The following NES variants were observed in gnomAD, a reference collection of about 807,000 sequenced individuals.
NES encodes nestin.
In NES, 27 loss-of-function variants were observed where a neutral mutation model predicts 35.6. The observed-to-expected ratio is 0.76, with a 90% confidence interval of 0.56 to 1.04. The LOEUF (loss-of-function observed/expected upper bound fraction) is 1.04. NES is among the 50% of genes least tolerant of loss of function. The pLI is 0.00. For synonymous variants in NES, 822 were observed against 824.2 expected, an observed-to-expected ratio of 1.00 and a Z score of 0.04; for missense variants, 1,867 against 1,983.6, an observed-to-expected ratio of 0.94 and a Z score of 1.12.
At position 156,671,543 on chromosome 1, in the gene NES, C is replaced by G. The variant is rs1202391956; in HGVS notation, c.2645G>C (p.Arg882Thr). 2 of 1,613,996 alleles carry G rather than the reference C, an allele frequency of 1.2e-6. No individual in the cohort carries two copies. Among genetic ancestry groups the G allele is most frequent in the South Asian group, 2.2e-5 (2 of 91,080 alleles). The change falls in exon 4 of 4, where the codon AGA becomes ACA. Residue 882 changes from arginine (R) to threonine (T), a missense_variant. Arg to Thr is a moderately conservative substitution (Grantham distance 71). Transcript: ENST00000368223. The stretch of plus-strand genomic sequence containing the variant: ...TTCCTGATTCTCCTCTTCCAGGAGT[C>G]TGAATGTCTCTTGGTTCACTTCCAC... Reference protein sequence around the residue: ...ESVEVNQETFRLLEEENQESL... With the variant: ...ESVEVNQETFTLLEEENQESL...
intron 2 of NES, 113 bp downstream of exon 2, chr1:156,675,103 C>T: frequency 2.2e-6 from 3 of 1,342,232 alleles, no homozygotes; most frequent in Non-Finnish European, 3.1e-6. Context: ...TCACAGAACC[C>T]AGTGGCAGCA....
chr1:156,669,144 T>C lies in NES; in HGVS notation c.*178A>G. 2 of 481,738 alleles carry C rather than the reference T, an allele frequency of 4.2e-6. No homozygotes were observed. Among genetic ancestry groups the C allele is most frequent in the Admixed American group, 3.6e-5 (1 of 27,882 alleles). 29.8% of individuals were successfully genotyped at this position (481,738 alleles called of 1,614,324 possible). Reference sequence around the variant, plus strand: ...GTTATATTCCTACAGCCTCCATTCTTGGAGTAGGCTCCTTTGCCACACCCC... The same window carrying C: ...GTTATATTCCTACAGCCTCCATTCTCGGAGTAGGCTCCTTTGCCACACCCC... On this transcript the variant is annotated 3_prime_UTR_variant, in exon 4 of 4. Coordinates refer to ENST00000368223, the MANE Select transcript of NES (RefSeq NM_006617.2).
rs1647291441 is a variant in NES, at chr1:156,676,415, G to A, written c.783+67C>T. 9.1e-6 allele frequency: 14 copies of A among 1,531,226 alleles called. No individual in the cohort carries two copies. Among genetic ancestry groups the A allele is most frequent in the South Asian group, 1.2e-5 (1 of 86,636 alleles). 94.9% of individuals were successfully genotyped at this position (1,531,226 alleles called of 1,614,324 possible). ...CCCACTCCCTTCCCAGAAGGTCTCTGAGCTTCATAAGGGACTTTCTGGAGC... is the reference window on the plus strand; with the variant it reads ...CCCACTCCCTTCCCAGAAGGTCTCTAAGCTTCATAAGGGACTTTCTGGAGC... On this transcript the variant is annotated intron_variant, in intron 1 of 3. Coordinates refer to ENST00000368223, the MANE Select transcript of NES (RefSeq NM_006617.2). This position sits in a 1 kb window ranked among gnomAD's most constrained non-coding sequence, Gnocchi z 5.3.
At position 156,677,372 on chromosome 1, in the gene NES, A is replaced by G; in HGVS notation, c.-108T>C. 3.2e-6 allele frequency: 1 copy of G among 311,164 alleles called. No individual in the cohort carries two copies. The highest frequency in any genetic ancestry group is 2.3e-5 in the South Asian group (1 of 43,780). The allele number at this position is 311,164 out of a possible 1,614,324, so 19.3% of individuals were successfully genotyped here. On this transcript the variant is annotated 5_prime_UTR_variant, in exon 1 of 4. Coordinates refer to ENST00000368223, the MANE Select transcript of NES (RefSeq NM_006617.2). This position sits in a 1 kb window ranked among gnomAD's most constrained non-coding sequence, Gnocchi z 4.5. Reference sequence around the variant, plus strand: ...AGAAAAGAGACCGACGGGGACAATGACGGGGCGGGGCGGGGTGGGAGTAGC... The same window carrying G: ...AGAAAAGAGACCGACGGGGACAATGGCGGGGCGGGGCGGGGTGGGAGTAGC...
intron 2 of NES, among the ~76,000 whole-genome samples, chr1:156,675,012 C>T (rs1679812276): frequency 6.6e-6 from 1 of 152,220 alleles, no homozygotes; most frequent in Non-Finnish European, 1.5e-5. Flanking sequence ...GGGCACAGGA[C>T]ATTGCTCAGG....
In NES at chr1:156,676,403, C is replaced by T; in HGVS notation, c.783+79G>A. The T allele has an allele frequency of 6.8e-7, 1 of 1,462,398 alleles. No homozygotes were observed. Among genetic ancestry groups the T allele is most frequent in the Non-Finnish European group, 9.3e-7 (1 of 1,072,678 alleles). 90.6% of individuals were successfully genotyped at this position (1,462,398 alleles called of 1,614,324 possible). A position where few individuals can be genotyped will look rare whatever the true frequency, so the allele number is the denominator to read the frequency against. On this transcript the variant is annotated intron_variant, in intron 1 of 3. Transcript: ENST00000368223. This position sits in a 1 kb window ranked among gnomAD's most constrained non-coding sequence, Gnocchi z 5.3. ...CAGCCAGCTAGCCCCACTCCCTTCC[C>T]AGAAGGTCTCTGAGCTTCATAAGGG...
intron 1 of NES, among the ~76,000 whole-genome samples, chr1:156,675,725 G>A (rs1647261232): frequency 6.6e-6 from 1 of 152,152 alleles, no homozygotes; most frequent in Admixed American, 6.5e-5. Flanking sequence ...GATTAATCAA[G>A]ATGCCTGGAG....
rs1445584644 is a variant in NES, at chr1:156,672,253, T to C, written c.1935A>G (p.Thr645=). 1 of 1,599,812 alleles carries C rather than the reference T, an allele frequency of 6.3e-7. No individual in the cohort carries two copies. Among genetic ancestry groups the C allele is most frequent in the Non-Finnish European group, 8.5e-7 (1 of 1,175,426 alleles). Residue 645 remains threonine, a synonymous_variant, in exon 4 of 4, where the codon ACA becomes ACG. Coordinates refer to ENST00000368223, the MANE Select transcript of NES (RefSeq NM_006617.2). ...GATTTTCCGTTCCTGGAAATAAAAA[T>C]GTCTCTAGATTACCTTCAAGAGATT... ...LMKSLEGNLE[T]FLFPGTENQE...
rs1679708567 is a variant in NES, at chr1:156,670,878, C to T, written c.3310G>A (p.Gly1104Arg). The T allele has an allele frequency of 6.2e-7, 1 of 1,611,058 alleles. No homozygotes were observed. Among genetic ancestry groups the T allele is most frequent in the East Asian group, 2.2e-5 (1 of 44,680 alleles). The change falls in exon 4 of 4, where the codon GGG becomes AGG. Residue 1104 changes from glycine (G) to arginine (R), a missense_variant. By Grantham distance (125) the Gly-to-Arg change is moderately radical (BLOSUM62 -2). Transcript: ENST00000368223. ...CCTGGGTCCCCCAGCCCTCCCACCC[C>T]CTGCCCCGGGCCTGGCTCAGCTCCC... ...AAGAEPGPGQ[G>R]VGGLGDPGHL...
rs1276318267 is a variant in NES, at chr1:156,669,791, C to T, written c.4397G>A (p.Ser1466Asn). 1 of 1,614,058 alleles carries T rather than the reference C, an allele frequency of 6.2e-7. No individual in the cohort carries two copies. The highest frequency in any genetic ancestry group is 1.1e-5 in the South Asian group (1 of 91,078). The change falls in exon 4 of 4, where the codon AGT becomes AAT. Residue 1466 changes from serine to asparagine, a missense_variant. Physicochemically the swap from Ser to Asn is conservative, Grantham distance 46 (BLOSUM62 1). Coordinates refer to ENST00000368223, the MANE Select transcript of NES (RefSeq NM_006617.2). Reference sequence around the variant, plus strand: ...CCTCAAGCTGTCATCCCAGGGGACACTGACACTCACAGAATCAGACTCCAG... The same window carrying T: ...CCTCAAGCTGTCATCCCAGGGGACATTGACACTCACAGAATCAGACTCCAG... ...EFLESDSVSV[S>N]VPWDDSLRGA...
Position 156,671,891 on chromosome 1 carries a change from C to T in NES, c.2297G>A (p.Arg766Gln), listed in dbSNP as rs149153888. The T allele has an allele frequency of 4.1e-5, 66 of 1,613,900 alleles. No homozygotes were observed. In the Middle Eastern group the frequency reaches 8.2e-4, roughly 20 times the overall value. The change falls in exon 4 of 4, where the codon CGG (arginine) becomes CAG (glutamine). Residue 766 changes from arginine (R) to glutamine (Q), a missense_variant. Coordinates refer to ENST00000368223, the MANE Select transcript of NES (RefSeq NM_006617.2). ...RTLEKETQQR[R>Q]RSLGEQDQMT... ...CTGATCCTGTTCCCCTAGAGACCTC[C>T]GTCGCTGTTGAGTCTCTTTTTCAAG...
At position 156,670,847 on chromosome 1, in the gene NES, A is replaced by G; in HGVS notation, c.3341T>C (p.Leu1114Pro). 6.2e-7 allele frequency: 1 copy of G among 1,612,310 alleles called. No individual in the cohort carries two copies. The highest frequency in any genetic ancestry group is 8.5e-7 in the Non-Finnish European group (1 of 1,178,964). ...GVGGLGDPGH[L>P]TREEVMEPPL... ...TGGTTCCATCACCTCTTCCCTGGTC[A>G]GATGGCCTGGGTCCCCCAGCCCTCC... The change falls in exon 4 of 4, where the codon CTG (leucine) becomes CCG (proline). Residue 1114 changes from leucine to proline, a missense_variant. Physicochemically the swap from Leu to Pro is moderately conservative, Grantham distance 98. Coordinates refer to ENST00000368223, the MANE Select transcript of NES (RefSeq NM_006617.2).
chr1:156,676,408 G>T lies in NES; in HGVS notation c.783+74C>A. 6.7e-7 allele frequency: 1 copy of T among 1,482,548 alleles called. No homozygotes were observed. Among genetic ancestry groups the T allele is most frequent in the East Asian group, 2.3e-5 (1 of 43,160 alleles). The allele number at this position is 1,482,548 out of a possible 1,614,324, so 91.8% of individuals were successfully genotyped here. A position where few individuals can be genotyped will look rare whatever the true frequency, so the allele number is the denominator to read the frequency against. ...AGCTAGCCCCACTCCCTTCCCAGAA[G>T]GTCTCTGAGCTTCATAAGGGACTTT... is the stretch of plus-strand genomic sequence containing the variant. On this transcript the variant is annotated intron_variant, in intron 1 of 3. Coordinates refer to ENST00000368223, the MANE Select transcript of NES (RefSeq NM_006617.2). This position sits in a 1 kb window ranked among gnomAD's most constrained non-coding sequence, Gnocchi z 5.3.
chr1:156,669,626 C>T lies in NES; in HGVS notation c.4562G>A (p.Ser1521Asn), dbSNP rs760739697. The T allele has an allele frequency of 1.2e-6, 2 of 1,614,148 alleles. No individual in the cohort carries two copies. Among genetic ancestry groups the T allele is most frequent in the South Asian group, 2.2e-5 (2 of 91,084 alleles). ...DKVPGPLEIP[S>N]GMEDAGPGAD... ...CCCTGGGCCTGCATCCTCCATCCCA[C>T]TGGGGATCTCTAGAGGGCCAGGGAC... Residue 1521 changes from serine (S) to asparagine (N), a missense_variant, in exon 4 of 4, where the codon AGT (serine) becomes AAT (asparagine). Transcript: ENST00000368223.
chr1:156,676,965 C>A lies in NES; in HGVS notation c.300G>T (p.Leu100=). Residue 100 remains leucine, a synonymous_variant, in exon 1 of 4, where the codon CTG becomes CTT. Transcript: ENST00000368223. The surrounding 1 kb of genome is among the most constrained non-coding windows in gnomAD (Gnocchi z 5.3). The part of the protein sequence containing the change: ...GVAGRCQQLR[L]ARERTTEEVA... The stretch of plus-strand genomic sequence containing the variant: ...CCTCCTCCGTCGTCCGCTCCCGGGC[C>A]AGCCGCAGCTGCTGGCATCGGCCTG... 1.9e-6 allele frequency: 3 copies of A among 1,562,740 alleles called. No homozygotes were observed. In the South Asian group the frequency reaches 3.5e-5, roughly 18 times the overall value.
chr1:156,670,922 G>A lies in NES; in HGVS notation c.3266C>T (p.Ala1089Val), dbSNP rs749765640. The A allele has an allele frequency of 4.3e-6, 7 of 1,611,104 alleles. No homozygotes were observed. The highest frequency in any genetic ancestry group is 5.9e-6 in the Non-Finnish European group (7 of 1,178,826). ...AGCTCCCGCAGCAGACTCACCCATG[G>A]CAGGCTCTGACCCCAACATGACCTC... ...SPEVMLGSEP[A>V]MGESAAGAEP... Residue 1089 changes from alanine to valine, a missense_variant, in exon 4 of 4, where the codon GCC becomes GTC. Physicochemically the swap from Ala to Val is moderately conservative, Grantham distance 64 (BLOSUM62 0). Coordinates refer to ENST00000368223, the MANE Select transcript of NES (RefSeq NM_006617.2).
At position 156,669,607 on chromosome 1, in the gene NES, G is replaced by A; in HGVS notation, c.4581C>T (p.Gly1527=). The part of the protein sequence containing the change: ...LEIPSGMEDA[G]PGADIIGVNG... ...TAACACCAATGATGTCTGCCCCTGG[G>A]CCTGCATCCTCCATCCCACTGGGGA... Residue 1527 remains glycine (G), a synonymous_variant, in exon 4 of 4, where the codon GGC becomes GGT. Coordinates refer to ENST00000368223, the MANE Select transcript of NES (RefSeq NM_006617.2). 6.2e-7 allele frequency: 1 copy of A among 1,614,046 alleles called. No homozygotes were observed. Among genetic ancestry groups the A allele is most frequent in the African/African-American group, 1.3e-5 (1 of 75,008 alleles).
At position 156,672,827 on chromosome 1, in the gene NES, G is replaced by T; in HGVS notation, c.1361C>A (p.Ala454Asp). The change falls in exon 4 of 4, where the codon GCC (alanine) becomes GAC (aspartate). Residue 454 changes from alanine (A) to aspartate (D), a missense_variant. By Grantham distance (126) the Ala-to-Asp change is moderately radical. Coordinates refer to ENST00000368223, the MANE Select transcript of NES (RefSeq NM_006617.2). ...PEEPGGQRQE[A>D]STGQSPEDHA... is the part of the protein sequence containing the mutation. ...GTCCTCTGGGGACTGGCCTGTACTGGCCTCTTGCCGCTGGCCCCCAGGCTC... is the reference window on the plus strand; with the variant it reads ...GTCCTCTGGGGACTGGCCTGTACTGTCCTCTTGCCGCTGGCCCCCAGGCTC... 1.2e-6 allele frequency: 2 copies of T among 1,613,834 alleles called. No homozygotes were observed. Among genetic ancestry groups the T allele is most frequent in the South Asian group, 2.2e-5 (2 of 91,088 alleles).
Position 156,669,889 on chromosome 1 carries a change from C to T in NES, c.4299G>A (p.Gly1433=), listed in dbSNP as rs144900079. Residue 1433 remains glycine, a synonymous_variant, in exon 4 of 4, where the codon GGG becomes GGA. Transcript: ENST00000368223. The stretch of plus-strand genomic sequence containing the variant: ...AAGACCCTGGCCCCCACCGCCCAGC[C>T]CCTGGCTCCCTCCCCTCCTCCTGAT... ...EEDQEEGREP[G]AGRWGPGSSV... is the part of the protein sequence containing the mutation. The T allele has an allele frequency of 2.0e-4, 316 of 1,613,670 alleles. 1 individual carries two copies. Among genetic ancestry groups the T allele is most frequent in the Non-Finnish European group, 4.2e-5 (49 of 1,179,900 alleles).
Sources: allele counts gnomAD v4.1 joint callset (sites outside exome capture counted in the v4.1 genomes callset), GRCh38; gene constraint gnomAD v4.1.1; non-coding constraint Gnocchi (gnomAD v3.1); transcripts MANE v1.5; gene names NCBI Gene and HGNC (gene_info 2026-07-23, HGNC 2026-07-21).